The following CNTNAP4 variants were observed in gnomAD, a reference collection of about 807,000 sequenced individuals.
The protein encoded by CNTNAP4 is contactin-associated protein-like 4.
A neutral mutation model predicts 148.4 loss-of-function variants in CNTNAP4; 98 were observed. That is an observed-to-expected ratio of 0.66 (90% confidence interval 0.56 to 0.78). The LOEUF is 0.78. Among genes scored for constraint, CNTNAP4 ranks in the 30% least tolerant of loss-of-function variants. The pLI is 0.00. For missense variants in CNTNAP4, 1,935 were observed against 1,565.6 expected, an observed-to-expected ratio of 1.24 and a Z score of -3.98; for synonymous variants, 730 against 565.1, an observed-to-expected ratio of 1.29 and a Z score of -4.14.
At chr16:76,359,047 C>G (rs1344830290) in intron 3 of CNTNAP4, among the ~76,000 whole-genome samples, 1 of 152,166 alleles carries the variant, frequency 6.6e-6, no homozygotes, top group African/African-American at 2.4e-5. Context: ...TGCCCTGTCT[C>G]TTGACTTTTC....
intron 3 of CNTNAP4, among the ~76,000 whole-genome samples, chr16:76,393,715 T>G (rs35267801): frequency 6.6e-6 from 1 of 151,682 alleles, no homozygotes; most frequent in Non-Finnish European, 1.5e-5. Context: ...AGACTCCCAT[T>G]GTGGGGCAGA....
chr16:76,433,294 G>T (rs2079680862), intron 4 of CNTNAP4, among the ~76,000 whole-genome samples: 1 of 152,164 alleles, frequency 6.6e-6, no homozygotes, highest in Non-Finnish European at 1.5e-5. Flanking sequence ...CCTACCAGGA[G>T]AACTGAGGGA....
At chr16:76,325,699 A>C (rs895854843) in intron 2 of CNTNAP4, among the ~76,000 whole-genome samples, 1 of 152,164 alleles carries the variant, frequency 6.6e-6, no homozygotes. Flanking sequence ...TGATTTTTCC[A>C]TGCATTCATC....
At position 76,507,684 on chromosome 16, in the gene CNTNAP4, C is replaced by T. The variant is rs1418480979; in HGVS notation, c.2365+8990C>T. Among the ~76,000 whole-genome samples the T allele has an allele frequency of 3.1e-5, 3 of 97,892 alleles. 1 individual carries two copies. Among genetic ancestry groups the T allele is most frequent in the Middle Eastern group, 0.015 (2 of 136 alleles). The allele number at this position is 97,892 out of a possible 152,430, so 64.2% of individuals were successfully genotyped here. A position where few individuals can be genotyped will look rare whatever the true frequency, so the allele number is the denominator to read the frequency against. ...CAATGGTGCTGACATAGGGCCTGCC[C>T]AAGTGTTCTAACTGTAGTTGCAGTA... On this transcript the variant is annotated intron_variant, in intron 15 of 23. Transcript: ENST00000611870.
intron 17 of CNTNAP4, 31 bp from the exon 18 acceptor site, chr16:76,535,514 C>G: frequency 6.2e-7 from 1 of 1,608,562 alleles, no homozygotes; most frequent in Non-Finnish European, 8.5e-7. Flanking sequence ...CACCTAGGAA[C>G]ATGTTTCCAT....
intron 6 of CNTNAP4, 38 bp from the exon 7 acceptor site, chr16:76,449,673 AAATC>A (rs768548223): frequency 6.7e-7 from 1 of 1,496,050 alleles, no homozygotes; most frequent in South Asian, 1.3e-5. Context: ...GATTTTTAGA[AAATC>A]ACTAAACAAT....
rs2082877225 is a variant in CNTNAP4, at chr16:76,507,634, G to A, written c.2365+8940G>A. ...GGTAGTTTAAGACTCACAGCTCTAG[G>A]TCAAAGGTTGGGTATGAAGTGGACC... On this transcript the variant is annotated intron_variant, in intron 15 of 23. Transcript: ENST00000611870. Among the ~76,000 whole-genome samples, 2 of 97,760 alleles carry A rather than the reference G, an allele frequency of 2.0e-5. 1 individual carries two copies. Among genetic ancestry groups the A allele is most frequent in the Admixed American group, 2.0e-4 (2 of 10,032 alleles). 64.1% of individuals were successfully genotyped at this position (97,760 alleles called of 152,430 possible). A position where few individuals can be genotyped will look rare whatever the true frequency, so the allele number is the denominator to read the frequency against.
chr16:76,487,291 A>G (rs1168679212), intron 12 of CNTNAP4, among the ~76,000 whole-genome samples: 1 of 152,162 alleles, frequency 6.6e-6, no homozygotes, highest in East Asian at 1.9e-4. Flanking sequence ...TTCTTCAACA[A>G]ATGTCTTCTG....
intron 3 of CNTNAP4, among the ~76,000 whole-genome samples, chr16:76,373,298 T>C (rs953960604): frequency 1.3e-5 from 2 of 151,848 alleles, no homozygotes; most frequent in African/African-American, 4.8e-5. Flanking sequence ...ATATGTGAAA[T>C]ATATTCCACA....
chr16:76,548,253 G>A (rs952421501), intron 21 of CNTNAP4, among the ~76,000 whole-genome samples: 1 of 148,032 alleles, frequency 6.8e-6, no homozygotes, highest in Non-Finnish European at 1.5e-5. Flanking sequence ...TAGTAAGAGT[G>A]CACCATTCAG....
chr16:76,442,295 A>G (rs2080074773), intron 4 of CNTNAP4, among the ~76,000 whole-genome samples: 1 of 152,134 alleles, frequency 6.6e-6, no homozygotes, highest in African/African-American at 2.4e-5. Context: ...TAGAAGGAAA[A>G]AGCTCCTGCC....
chr16:76,504,833 A>T (rs1039341155), intron 15 of CNTNAP4, among the ~76,000 whole-genome samples: 2 of 152,178 alleles, frequency 1.3e-5, no homozygotes, highest in Middle Eastern at 3.2e-3. Flanking sequence ...AAAAATATGG[A>T]TTTAAATAAA....
At chr16:76,369,758 C>T (rs2014578735) in intron 3 of CNTNAP4, among the ~76,000 whole-genome samples, 1 of 152,184 alleles carries the variant, frequency 6.6e-6, no homozygotes. Context: ...AGGAGGATCG[C>T]TTCAGCCTGG....
At chr16:76,369,129 A>C (rs2014503188) in intron 3 of CNTNAP4, among the ~76,000 whole-genome samples, 2 of 152,054 alleles carry the variant, frequency 1.3e-5, no homozygotes, top group Admixed American at 1.3e-4. Context: ...AGTATCTTCA[A>C]CCTCATTCAA....
At chr16:76,318,293 C>T (rs1361874614) in intron 2 of CNTNAP4, among the ~76,000 whole-genome samples, 2 of 152,160 alleles carry the variant, frequency 1.3e-5, no homozygotes, top group African/African-American at 4.8e-5. Context: ...ACCTATTTAT[C>T]TTGATTTCCT....
At chr16:76,342,947 T>A (rs1250404157) in intron 2 of CNTNAP4, among the ~76,000 whole-genome samples, 1 of 152,194 alleles carries the variant, frequency 6.6e-6, no homozygotes, top group Non-Finnish European at 1.5e-5. Context: ...GTAGCTCTCA[T>A]CACGAATGTG....
chr16:76,438,325 G>T (rs990854181), intron 4 of CNTNAP4, among the ~76,000 whole-genome samples: 7 of 152,110 alleles, frequency 4.6e-5, no homozygotes, highest in South Asian at 4.1e-4. Flanking sequence ...AAAGTCTAAA[G>T]ATTTCAGTAT....
At chr16:76,357,058 A>AACAC (rs58020066) in intron 3 of CNTNAP4, among the ~76,000 whole-genome samples, 13,104 of 147,968 alleles carry the variant, frequency 0.089, 1,073 homozygotes, top group East Asian at 0.47. Context: ...AACAAAACAA[A>AACAC]ACACACACAC....
intron 12 of CNTNAP4, among the ~76,000 whole-genome samples, chr16:76,480,422 A>AC (rs1232594373): frequency 6.6e-6 from 1 of 152,194 alleles, no homozygotes; most frequent in Non-Finnish European, 1.5e-5. Flanking sequence ...TAATTAGAAA[A>AC]CACCCTTTCA....
Sources: gnomAD v4.1 joint callset for allele counts (sites outside exome capture counted in the v4.1 genomes callset) on GRCh38, gnomAD v4.1.1 for gene constraint, MANE v1.5 for transcripts, NCBI Gene and HGNC (gene_info 2026-07-23, HGNC 2026-07-21) for gene names.